Variants in PCDH9 observed in about 807,000 individuals in gnomAD.
The protein encoded by PCDH9 is protocadherin-9.
In PCDH9, 24 loss-of-function variants were observed where a neutral mutation model predicts 70.6. The ratio of observed to expected loss-of-function variants is 0.34; its 90% CI spans 0.25 to 0.48. PCDH9 has a LOEUF of 0.48. PCDH9 is among the 20% of genes least tolerant of loss of function. PCDH9 has a pLI of 0.99. For missense variants in PCDH9, 1,281 were observed against 1,503.6 expected (o/e 0.85, Z 2.45); for synonymous variants, 562 against 558.5 (o/e 1.01, Z -0.09).
intron 3 of PCDH9, among the ~76,000 whole-genome samples, chr13:66,650,965 T>G (rs2077843112): frequency 6.6e-6 from 1 of 151,820 alleles, no homozygotes; most frequent in Non-Finnish European, 1.5e-5. Context: ...AAGAAGGAAA[T>G]TTTTTAAGTT....
chr13:66,949,165 G>A (rs895823220), intron 2 of PCDH9, among the ~76,000 whole-genome samples: 1 of 152,114 alleles, frequency 6.6e-6, no homozygotes, highest in African/African-American at 2.4e-5. Context: ...TTATATCTAA[G>A]AGGATTCTAG....
chr13:66,736,338 AG>A (rs372166989), intron 3 of PCDH9, among the ~76,000 whole-genome samples: 89 of 152,308 alleles, frequency 5.8e-4, no homozygotes, highest in African/African-American at 2.1e-3. Context: ...AGATAGACCC[AG>A]CTTGGTCACC....
chr13:66,719,821 A>G (rs2078917877), intron 3 of PCDH9, among the ~76,000 whole-genome samples: 1 of 152,214 alleles, frequency 6.6e-6, no homozygotes, highest in Non-Finnish European at 1.5e-5. Flanking sequence ...CTACCTTGAA[A>G]ATAAATCCAA....
intron 2 of PCDH9, among the ~76,000 whole-genome samples, chr13:66,978,755 A>G (rs924174143): frequency 2.0e-5 from 3 of 149,740 alleles, no homozygotes; most frequent in African/African-American, 7.3e-5. Context: ...GTAACTGTAT[A>G]TAAATGTATA....
intron 3 of PCDH9, among the ~76,000 whole-genome samples, chr13:66,687,911 A>G (rs1406981346): frequency 1.3e-5 from 2 of 152,138 alleles, no homozygotes; most frequent in Non-Finnish European, 2.9e-5. Context: ...ATGAAATTCA[A>G]AAGTTTTTCT....
intron 4 of PCDH9, among the ~76,000 whole-genome samples, chr13:66,438,119 G>A (rs906016536): frequency 3.3e-5 from 5 of 151,452 alleles, no homozygotes; most frequent in African/African-American, 9.7e-5. Context: ...CTGTAATCCC[G>A]GATACTCAGG....
At chr13:66,802,769 C>A (rs1024677453) in intron 3 of PCDH9, among the ~76,000 whole-genome samples, 2 of 152,030 alleles carry the variant, frequency 1.3e-5, no homozygotes, top group African/African-American at 4.8e-5. Flanking sequence ...TGGCATATAA[C>A]AATTTCTTAC....
intron 3 of PCDH9, among the ~76,000 whole-genome samples, chr13:66,847,851 C>T (rs2081239451): frequency 6.6e-6 from 1 of 152,136 alleles, no homozygotes; most frequent in African/African-American, 2.4e-5. Context: ...GATTTCATCA[C>T]GCTACTCAGA....
chr13:66,740,535 AATT>A (rs1341239553), intron 3 of PCDH9, among the ~76,000 whole-genome samples: 28 of 146,272 alleles, frequency 1.9e-4, no homozygotes, highest in African/African-American at 7.0e-4. Flanking sequence ...CCCTTCAAAA[AATT>A]AATGAATCCA....
chr13:66,824,093 C>G lies in PCDH9; in HGVS notation c.3138+79411G>C, dbSNP rs1350796404. Among the ~76,000 whole-genome samples the G allele has an allele frequency of 8.6e-5, 13 of 151,770 alleles. No individual in the cohort carries two copies. In the East Asian group the frequency reaches 2.5e-3, roughly 29 times the overall value. On this transcript the variant is annotated intron_variant, in intron 3 of 4. Transcript: ENST00000377865. ...TTACTGTACAGTCAAAATTAATCAT[C>G]TCAATAAAGAGCATTTTAAAAAGTT...
Position 66,306,482 on chromosome 13 carries a change from C to T in PCDH9, c.3341-1454G>A, listed in dbSNP as rs781242853. On this transcript the variant is annotated intron_variant, in intron 4 of 4. Transcript: ENST00000377865. The stretch of plus-strand genomic sequence containing the variant: ...GGTGCACTAAAATCTCAGACCTCAC[C>T]ACTATACAATCATCCACGTAACCAA... 3.4e-4 allele frequency among the ~76,000 whole-genome samples: 52 copies of T among 151,314 alleles called. 1 individual carries two copies. Among genetic ancestry groups the T allele is most frequent in the Non-Finnish European group, 6.5e-4 (44 of 67,796 alleles).
intron 4 of PCDH9, among the ~76,000 whole-genome samples, chr13:66,506,231 T>G (rs914287816): frequency 6.6e-6 from 1 of 152,130 alleles, no homozygotes; most frequent in Non-Finnish European, 1.5e-5. Flanking sequence ...AAGGATCCAG[T>G]TTTCACATTG....
intron 4 of PCDH9, among the ~76,000 whole-genome samples, chr13:66,534,132 A>G (rs1359075009): frequency 6.6e-6 from 1 of 152,174 alleles, no homozygotes; most frequent in African/African-American, 2.4e-5. Context: ...CTACCATGTC[A>G]CACTGATATA....
intron 4 of PCDH9, among the ~76,000 whole-genome samples, chr13:66,505,747 C>T (rs1959205219): frequency 6.6e-6 from 1 of 152,192 alleles, no homozygotes; most frequent in Admixed American, 6.5e-5. Context: ...TCAATTACCT[C>T]TCACTGGGTC....
In PCDH9 at chr13:66,376,085, G is replaced by C. The variant is rs551394855; in HGVS notation, c.3341-71057C>G. Among the ~76,000 whole-genome samples the C allele has an allele frequency of 8.5e-5, 13 of 152,204 alleles. 1 individual carries two copies. The South Asian group carries it at 2.7e-3, about 32-fold the overall frequency. ...TGAGAATCATTCACACAGAAATGTG[G>C]AGAGAAAATTCCGTGCCCCCAGATT... On this transcript the variant is annotated intron_variant, in intron 4 of 4. Coordinates refer to ENST00000377865, the MANE Select transcript of PCDH9 (RefSeq NM_203487.3).
intron 4 of PCDH9, among the ~76,000 whole-genome samples, chr13:66,408,302 T>C (rs1174963912): frequency 6.6e-6 from 1 of 152,208 alleles, no homozygotes; most frequent in African/African-American, 2.4e-5. Flanking sequence ...GGGATCACTT[T>C]TGAAGGGCAG....
At chr13:66,778,232 T>A (rs1012754100) in intron 3 of PCDH9, among the ~76,000 whole-genome samples, 8 of 152,004 alleles carry the variant, frequency 5.3e-5, no homozygotes, top group Non-Finnish European at 5.9e-5. Context: ...TGTATACATA[T>A]GTAACTAACC....
In PCDH9 at chr13:66,491,385, T is replaced by TTGTGTGTGTGTGTGTGTGTGTGTGTGTG. The variant is rs71106974; in HGVS notation, c.3340+139797_3340+139824dup. ...GTGTGTTGGGTGAGGGCAGGAGATA[T>TTGTGTGTGTGTGTGTGTGTGTGTGTGTG]TGTGTGTGTGTGTGTGTGTGTGTGT... On this transcript the variant is annotated intron_variant, in intron 4 of 4. Coordinates refer to ENST00000377865, the MANE Select transcript of PCDH9 (RefSeq NM_203487.3). Among the ~76,000 whole-genome samples, 5 of 136,134 alleles carry TTGTGTGTGTGTGTGTGTGTGTGTGTGTG rather than the reference T, an allele frequency of 3.7e-5. 1 individual carries two copies. The highest frequency in any genetic ancestry group is 4.5e-4 in the East Asian group (2 of 4,456). 89.3% of individuals were successfully genotyped at this position (136,134 alleles called of 152,430 possible).
chr13:66,958,909 TC>T (rs1475418369), intron 2 of PCDH9, among the ~76,000 whole-genome samples: 1 of 152,220 alleles, frequency 6.6e-6, no homozygotes. Context: ...TATTTAAATT[TC>T]CCATCTTATT....
Sources: allele counts gnomAD v4.1 joint callset (sites outside exome capture counted in the v4.1 genomes callset), GRCh38; gene constraint gnomAD v4.1.1; transcripts MANE v1.5; gene names NCBI Gene and HGNC (gene_info 2026-07-23, HGNC 2026-07-21).